The following PCDHGB6 variants were observed in gnomAD, a reference collection of about 807,000 sequenced individuals.
PCDHGB6 encodes protocadherin gamma subfamily B, 6.
In PCDHGB6, 51 loss-of-function variants were observed where a neutral mutation model predicts 59.1. The observed-to-expected ratio is 0.86, with a 90% CI of 0.69 to 1.09. PCDHGB6 has a LOEUF of 1.09. Ranked by LOEUF, PCDHGB6 falls within the 50% of genes least tolerant of loss-of-function variation. The pLI is 0.00. For synonymous variants in PCDHGB6, 466 were observed against 495.1 expected, an observed-to-expected ratio of 0.94 and a Z score of 0.78; for missense variants, 1,148 against 1,205.1, an observed-to-expected ratio of 0.95 and a Z score of 0.70.
At chr5:141,420,076 TC>T (rs2096464805) in intron 1 of PCDHGB6, 2 of 1,613,956 alleles carry the variant, frequency 1.2e-6, no homozygotes, top group East Asian at 2.2e-5. Flanking sequence ...GACCTGTGGG[TC>T]CCCCCAACTA....
intron 1 of PCDHGB6, among the ~76,000 whole-genome samples, chr5:141,454,657 C>T (rs554561906): frequency 5.1e-4 from 77 of 152,192 alleles, no homozygotes; most frequent in African/African-American, 1.7e-3. Flanking sequence ...CTGCCCACCT[C>T]GGCCTCCCAA....
At chr5:141,467,693 G>C (rs543886467) in intron 1 of PCDHGB6, among the ~76,000 whole-genome samples, 49 of 152,108 alleles carry the variant, frequency 3.2e-4, no homozygotes, top group African/African-American at 1.1e-3. Flanking sequence ...ACAGGGTCTG[G>C]CTCTGTTGCC....
chr5:141,494,601 A>T (rs1396717178), intron 1 of PCDHGB6, among the ~76,000 whole-genome samples: 1 of 151,892 alleles, frequency 6.6e-6, no homozygotes, highest in East Asian at 1.9e-4. Context: ...ATGAAATGTG[A>T]TTTATCTCTT....
chr5:141,478,323 G>C, intron 1 of PCDHGB6: 1 of 1,613,958 alleles, frequency 6.2e-7, no homozygotes, highest in Non-Finnish European at 8.5e-7. Flanking sequence ...TCACTGTACC[G>C]AACACCAGGG....
At position 141,430,782 on chromosome 5, in the gene PCDHGB6, G is replaced by C. The variant is rs1220976669; in HGVS notation, c.2418+20162G>C. 2.0e-6 allele frequency: 3 copies of C among 1,510,858 alleles called. No individual in the cohort carries two copies. The East Asian group carries it at 6.9e-5, about 35-fold the overall frequency. 93.6% of individuals were successfully genotyped at this position (1,510,858 alleles called of 1,614,324 possible). A position where few individuals can be genotyped will look rare whatever the true frequency, so the allele number is the denominator to read the frequency against. ...AGAATGATTCCTGCGCGACTGCACC[G>C]GGACTACAAAGGGCTTGTCCTGCTG... On this transcript the variant is annotated intron_variant, in intron 1 of 3. Coordinates refer to ENST00000520790, the MANE Select transcript of PCDHGB6 (RefSeq NM_018926.3).
At position 141,409,351 on chromosome 5, in the gene PCDHGB6, G is replaced by A. The variant is rs756967611; in HGVS notation, c.1149G>A (p.Arg383=). ...DLDFGGNGEV[R]CNIETDIPFK... is the part of the protein sequence containing the mutation. ...ATTTCGGAGGAAATGGAGAAGTCAG[G>A]TGTAATATAGAAACAGACATTCCAT... The change falls in exon 1 of 4, where the codon AGG becomes AGA. Residue 383 remains arginine (R), a synonymous_variant. Transcript: ENST00000520790. 4.3e-6 allele frequency: 7 copies of A among 1,613,982 alleles called. No individual in the cohort carries two copies. Among genetic ancestry groups the A allele is most frequent in the Non-Finnish European group, 5.9e-6 (7 of 1,179,904 alleles).
Position 141,477,032 on chromosome 5 carries a change from A to G in PCDHGB6, c.2419-17775A>G, listed in dbSNP as rs1026169829. 2 of 1,614,134 alleles carry G rather than the reference A, an allele frequency of 1.2e-6. No homozygotes were observed. Among genetic ancestry groups the G allele is most frequent in the Non-Finnish European group, 1.7e-6 (2 of 1,180,044 alleles). ...AGACCTTGTAACCGGGATGCTGACA[A>G]TCAAGGGTCGGCTGGACTTCGAGGA... On this transcript the variant is annotated intron_variant, in intron 1 of 3. Transcript: ENST00000520790. This position sits in a 1 kb window ranked among gnomAD's most constrained non-coding sequence, Gnocchi z 4.9.
chr5:141,427,705 C>T (rs2097059995), intron 1 of PCDHGB6: 1 of 983,052 alleles, frequency 1.0e-6, no homozygotes, highest in African/African-American at 1.6e-5. Flanking sequence ...CAAGTCAGCG[C>T]CTCTGACCTG....
At chr5:141,470,201 G>C (rs2154570565) in intron 1 of PCDHGB6, among the ~76,000 whole-genome samples, 1 of 152,274 alleles carries the variant, frequency 6.6e-6, no homozygotes, top group Non-Finnish European at 1.5e-5. Flanking sequence ...AGATAAATAT[G>C]AAGGCTAAAC....
At chr5:141,473,330 C>T (rs1431360397) in intron 1 of PCDHGB6, among the ~76,000 whole-genome samples, 2 of 152,208 alleles carry the variant, frequency 1.3e-5, no homozygotes, top group East Asian at 3.8e-4. Flanking sequence ...TAAGTGCCTG[C>T]TGTGCTAGAC....
At chr5:141,494,654 G>A in intron 1 of PCDHGB6, 153 bp from the exon 2 acceptor site, 1 of 966,640 alleles carries the variant, frequency 1.0e-6, no homozygotes, top group South Asian at 4.8e-5. Context: ...GGTGTATTTT[G>A]TCTTTGGAGA....
At chr5:141,418,901 A>G in intron 1 of PCDHGB6, 1 of 1,614,016 alleles carries the variant, frequency 6.2e-7, no homozygotes, top group East Asian at 2.2e-5. Context: ...CCCAGAAATA[A>G]TCATCACGTC....
At chr5:141,508,792 C>T (rs1198342551) in intron 3 of PCDHGB6, among the ~76,000 whole-genome samples, 3 of 152,130 alleles carry the variant, frequency 2.0e-5, no homozygotes, top group Admixed American at 6.5e-5. Flanking sequence ...CTAAATCACT[C>T]TGGAATCCTG....
intron 1 of PCDHGB6, among the ~76,000 whole-genome samples, chr5:141,463,318 C>A (rs2099056713): frequency 6.6e-6 from 1 of 151,878 alleles, no homozygotes; most frequent in East Asian, 1.9e-4. Flanking sequence ...ATATCTATTC[C>A]TCAACTCAGC....
At chr5:141,482,033 C>G (rs1185284483) in intron 1 of PCDHGB6, among the ~76,000 whole-genome samples, 1 of 149,194 alleles carries the variant, frequency 6.7e-6, no homozygotes, top group African/African-American at 2.5e-5. Flanking sequence ...TGCAGTGAGC[C>G]AAGATCATGC....
intron 1 of PCDHGB6, among the ~76,000 whole-genome samples, chr5:141,461,536 T>C (rs1424913303): frequency 1.3e-5 from 2 of 152,240 alleles, no homozygotes; most frequent in Non-Finnish European, 2.9e-5. Context: ...TTCTGGATAC[T>C]AGTCCTTTGT....
rs376209053 is a variant in PCDHGB6, at chr5:141,410,666, T to A, written c.2418+46T>A. On this transcript the variant is annotated intron_variant, in intron 1 of 3. Transcript: ENST00000520790. ...TGTGATTTATCTAATAGTCTACTAG[T>A]TTCTCATATTTTAGGCATACTACTT... is the stretch of plus-strand genomic sequence containing the variant. 2.6e-6 allele frequency: 4 copies of A among 1,565,890 alleles called. No homozygotes were observed. In the African/African-American group the frequency reaches 5.5e-5, roughly 21 times the overall value.
chr5:141,449,098 G>A (rs1314761371), intron 1 of PCDHGB6, among the ~76,000 whole-genome samples: 1 of 152,140 alleles, frequency 6.6e-6, no homozygotes, highest in Admixed American at 6.5e-5. Context: ...TTTTACATAT[G>A]CAGTATATCT....
Position 141,494,815 on chromosome 5 carries a change from G to C in PCDHGB6, c.2427G>C (p.Pro809=). 6.2e-7 allele frequency: 1 copy of C among 1,613,976 alleles called. No individual in the cohort carries two copies. The highest frequency in any genetic ancestry group is 8.5e-7 in the Non-Finnish European group (1 of 1,179,982). Residue 809 remains proline, a synonymous_variant, in exon 2 of 4, where the codon CCG becomes CCC. Transcript: ENST00000520790. Reference sequence around the variant, plus strand: ...CTCTGTTTTCTCCACAGCAAGCCCCGCCCAACACGGACTGGCGTTTCTCTC... The same window carrying C: ...CTCTGTTTTCTCCACAGCAAGCCCCCCCCAACACGGACTGGCGTTTCTCTC... ...SHPETLTSQA[P]PNTDWRFSQA...
Sources: allele counts gnomAD v4.1 joint callset (sites outside exome capture counted in the v4.1 genomes callset), GRCh38; gene constraint gnomAD v4.1.1; non-coding constraint Gnocchi (gnomAD v3.1); transcripts MANE v1.5; gene names NCBI Gene and HGNC (gene_info 2026-07-23, HGNC 2026-07-21).